LIMD1: variants seen among roughly 807,000 people sequenced by gnomAD.
The protein encoded by LIMD1 is LIM domain containing 1.
Under a neutral mutation model 58.4 loss-of-function variants are expected in LIMD1, and 23 were observed. The ratio of observed to expected loss-of-function variants is 0.39; its 90% CI spans 0.28 to 0.56. The LOEUF is 0.56. Ranked by LOEUF, LIMD1 falls within the 20% of genes least tolerant of loss-of-function variation. The probability of loss-of-function intolerance (pLI) is 0.57; values close to 1 mark genes in which losing one functional copy is unlikely to be tolerated. For synonymous variants in LIMD1, 334 were observed against 345.5 expected (o/e 0.97, Z 0.37); for missense variants, 838 against 855.5 (o/e 0.98, Z 0.25).
Position 45,596,158 on chromosome 3 carries a change from G to C in LIMD1, c.1279G>C (p.Val427Leu). The change falls in exon 1 of 8, where the codon GTA (valine) becomes CTA (leucine). Residue 427 changes from valine to leucine, a missense_variant. Around this residue, in one of 3 missense-constraint regions of LIMD1, gnomAD observed 659 missense variants for 639.8 expected, o/e 1.03. Coordinates refer to ENST00000273317, the MANE Select transcript of LIMD1 (RefSeq NM_014240.3). ...VLLDSPSSPR[V>L]RLPCQPLVPG... is the part of the protein sequence containing the mutation. ...CCTGGACAGCCCCAGCTCCCCTAGG[G>C]TAAGGCTGCCCTGCCAGCCCCTCGT... 3.7e-6 allele frequency: 6 copies of C among 1,614,070 alleles called. No individual in the cohort carries two copies. The highest frequency in any genetic ancestry group is 5.1e-6 in the Non-Finnish European group (6 of 1,180,008).
chr3:45,665,607 A>C, intron 2 of LIMD1, 43 bp from the exon 3 acceptor site: 1 of 1,550,090 alleles, frequency 6.5e-7, no homozygotes, highest in Non-Finnish European at 8.9e-7. Context: ...CTGCATATTA[A>C]AATTTTTCTT....
chr3:45,629,086 C>T (rs1477811992), intron 1 of LIMD1, among the ~76,000 whole-genome samples: 1 of 152,020 alleles, frequency 6.6e-6, no homozygotes, highest in Non-Finnish European at 1.5e-5. Flanking sequence ...TGATCATTGT[C>T]TTGATTGTGG....
chr3:45,639,461 C>T (rs148256753), intron 2 of LIMD1, among the ~76,000 whole-genome samples: 1 of 152,230 alleles, frequency 6.6e-6, no homozygotes, highest in Non-Finnish European at 1.5e-5. Flanking sequence ...TCTCACAGTT[C>T]TAGATGCTGG....
intron 2 of LIMD1, among the ~76,000 whole-genome samples, chr3:45,663,519 G>A (rs1697470909): frequency 6.6e-6 from 1 of 152,104 alleles, no homozygotes; most frequent in South Asian, 2.1e-4. Context: ...TGTGGTTTTA[G>A]TTTGCATTAT....
In LIMD1 at chr3:45,635,966, T is replaced by G. The variant is rs1289103751; in HGVS notation, c.1409-184T>G. 2.7e-5 allele frequency: 27 copies of G among 985,192 alleles called. No homozygotes were observed. In the Admixed American group the frequency reaches 1.7e-3, roughly 61 times the overall value. 61.0% of individuals were successfully genotyped at this position (985,192 alleles called of 1,614,324 possible). ...CCTAAAGTCCAGCCTGGTAGCTGTTTTCTGCAGTTGAAAGAGTGACAGAGG... is the reference window on the plus strand; with the variant it reads ...CCTAAAGTCCAGCCTGGTAGCTGTTGTCTGCAGTTGAAAGAGTGACAGAGG... On this transcript the variant is annotated intron_variant, in intron 1 of 7. Coordinates refer to ENST00000273317, the MANE Select transcript of LIMD1 (RefSeq NM_014240.3).
chr3:45,667,262 G>C (rs1377708424), intron 3 of LIMD1, among the ~76,000 whole-genome samples: 1 of 152,232 alleles, frequency 6.6e-6, no homozygotes, highest in Non-Finnish European at 1.5e-5. Flanking sequence ...CTGGAGGAAT[G>C]CAAGGCTCTG....
chr3:45,672,497 C>T (rs990039974), intron 4 of LIMD1, among the ~76,000 whole-genome samples, 193 bp from the exon 5 acceptor site: 1 of 152,186 alleles, frequency 6.6e-6, no homozygotes, highest in Non-Finnish European at 1.5e-5. Context: ...TGTGTGGTCT[C>T]TTCTGTGTAT....
rs1701346280 is a variant in LIMD1 at position 45,596,087 on chromosome 3, A to C, written c.1208A>C (p.Glu403Ala). ...MSTLPELSCK[E>A]GPLGWSSDGS... ...ACCCTGCCTGAGTTATCTTGTAAAG[A>C]GGGTCCCCTGGGCTGGTCTTCTGAT... The change falls in exon 1 of 8, where the codon GAG becomes GCG. Residue 403 changes from glutamate to alanine, a missense_variant. By Grantham distance (107) the Glu-to-Ala change is moderately radical. Coordinates refer to ENST00000273317, the MANE Select transcript of LIMD1 (RefSeq NM_014240.3). The C allele has an allele frequency of 6.2e-7, 1 of 1,614,020 alleles. No homozygotes were observed. Among genetic ancestry groups the C allele is most frequent in the African/African-American group, 1.3e-5 (1 of 74,902 alleles).
intron 2 of LIMD1, among the ~76,000 whole-genome samples, chr3:45,649,552 G>A (rs1484180215): frequency 6.6e-6 from 1 of 150,620 alleles, no homozygotes; most frequent in Non-Finnish European, 1.5e-5. Flanking sequence ...ATGGTGGCGG[G>A]TGCCTGTAGT....
At chr3:45,618,923 C>T (rs1701603394) in intron 1 of LIMD1, among the ~76,000 whole-genome samples, 1 of 152,162 alleles carries the variant, frequency 6.6e-6, no homozygotes, top group Non-Finnish European at 1.5e-5. Flanking sequence ...GCTAGTGATG[C>T]TGTGATTCCT....
rs554278553 is a variant in LIMD1, at chr3:45,679,534, A to C, written c.*2475A>C. 6.6e-6 allele frequency: 1 copy of C among 152,288 alleles called. No individual in the cohort carries two copies. Among genetic ancestry groups the C allele is most frequent in the East Asian group, 1.9e-4 (1 of 5,186 alleles). 9.4% of individuals were successfully genotyped at this position (152,288 alleles called of 1,614,324 possible). A position where few individuals can be genotyped will look rare whatever the true frequency, so the allele number is the denominator to read the frequency against. On this transcript the variant is annotated 3_prime_UTR_variant, in exon 8 of 8. Coordinates refer to ENST00000273317, the MANE Select transcript of LIMD1 (RefSeq NM_014240.3). ...GGACTTGGTAGGCCAGGAAGAAAAG[A>C]TTTTAAAATTTAGAATGAATAGCCC...
Position 45,676,932 on chromosome 3 carries a change from T to G in LIMD1, c.1904T>G (p.Leu635Arg). ...TCTGCCTCCCCACAGGACTGTGGTC[T>G]GGAGCTCAATGATGAAGATGGCCAC... ...VECYHCEDCG[L>R]ELNDEDGHRC... Residue 635 changes from leucine (L) to arginine (R), a missense_variant, in exon 8 of 8, where the codon CTG becomes CGG. Leu to Arg is a moderately radical substitution (Grantham distance 102). Transcript: ENST00000273317. 1 of 1,614,128 alleles carries G rather than the reference T, an allele frequency of 6.2e-7. No homozygotes were observed. The highest frequency in any genetic ancestry group is 8.5e-7 in the Non-Finnish European group (1 of 1,179,990).
At chr3:45,658,700 C>T (rs1697384781) in intron 2 of LIMD1, among the ~76,000 whole-genome samples, 1 of 151,824 alleles carries the variant, frequency 6.6e-6, no homozygotes, top group South Asian at 2.1e-4. Context: ...GGACTACAGG[C>T]ATGCACCACC....
At chr3:45,655,841 C>T (rs1702022184) in intron 2 of LIMD1, among the ~76,000 whole-genome samples, 1 of 152,164 alleles carries the variant, frequency 6.6e-6, no homozygotes, top group Non-Finnish European at 1.5e-5. Flanking sequence ...TCAGTGAGGA[C>T]AGTGAAATTT....
At chr3:45,637,932 C>A (rs1701805199) in intron 2 of LIMD1, among the ~76,000 whole-genome samples, 1 of 150,600 alleles carries the variant, frequency 6.6e-6, no homozygotes, top group African/African-American at 2.4e-5. Context: ...CAGTGGAAAT[C>A]TAGGAGTGGT....
At chr3:45,664,738 G>T (rs1034861511) in intron 2 of LIMD1, among the ~76,000 whole-genome samples, 1 of 152,214 alleles carries the variant, frequency 6.6e-6, no homozygotes, top group East Asian at 1.9e-4. Flanking sequence ...GCCAGTGTTC[G>T]TCTGGCGGGT....
intron 1 of LIMD1, among the ~76,000 whole-genome samples, chr3:45,627,499 G>A (rs149524637): frequency 4.7e-4 from 71 of 152,206 alleles, no homozygotes; most frequent in Non-Finnish European, 6.9e-4. Flanking sequence ...TTTAATAAAT[G>A]CCCATTCTAG....
chr3:45,666,382 C>T (rs149387385), intron 3 of LIMD1, among the ~76,000 whole-genome samples: 37 of 152,258 alleles, frequency 2.4e-4, no homozygotes, highest in Admixed American at 1.2e-3. Context: ...TAACGGCCTC[C>T]GCACACCCGC....
chr3:45,641,096 C>T (rs1331648515), intron 2 of LIMD1, among the ~76,000 whole-genome samples: 1 of 152,204 alleles, frequency 6.6e-6, no homozygotes, highest in African/African-American at 2.4e-5. Flanking sequence ...GAGTGTGTCT[C>T]TGTGAGCCTC....
Sources: allele counts gnomAD v4.1 joint callset (sites outside exome capture counted in the v4.1 genomes callset), GRCh38; gene constraint gnomAD v4.1.1; regional missense constraint gnomAD v4.1.1; transcripts MANE v1.5; gene names NCBI Gene and HGNC (gene_info 2026-07-23, HGNC 2026-07-21).